PFKM: variants seen among roughly 807,000 people sequenced by gnomAD.
The protein encoded by PFKM is phosphofructokinase, muscle.
Under a neutral mutation model 95.5 loss-of-function variants are expected in PFKM, and 58 were observed. The observed-to-expected ratio is 0.61, with a 90% CI of 0.49 to 0.76. The LOEUF (loss-of-function observed/expected upper bound fraction) is 0.76. PFKM is among the 30% of genes least tolerant of loss of function. The probability of loss-of-function intolerance (pLI) is 0.00; values close to 1 mark genes in which losing one functional copy is unlikely to be tolerated. For missense variants in PFKM, 678 were observed against 1,005.4 expected (o/e 0.67, Z 4.40); for synonymous variants, 336 against 357.2 (o/e 0.94, Z 0.67).
intron 3 of PFKM, among the ~76,000 whole-genome samples, chr12:48,113,949 G>T (rs1247713979): frequency 6.6e-6 from 1 of 152,152 alleles, no homozygotes; most frequent in East Asian, 1.9e-4. Flanking sequence ...ACTGGGCTGG[G>T]TTCTTTACCT....
At chr12:48,144,975 T>A (rs1950903168) in intron 20 of PFKM, 56 bp from the exon 21 acceptor site, 2 of 1,206,150 alleles carry the variant, frequency 1.7e-6, no homozygotes. Flanking sequence ...TGTCTAGATA[T>A]CTCTGCCACT....
intron 3 of PFKM, among the ~76,000 whole-genome samples, chr12:48,114,221 A>G (rs1947470241): frequency 6.6e-6 from 1 of 152,224 alleles, no homozygotes; most frequent in South Asian, 2.1e-4. Flanking sequence ...TTAGGATGAC[A>G]TTTAGGTCAC....
chr12:48,136,919 A>C (rs1283353710), intron 10 of PFKM, among the ~76,000 whole-genome samples: 1 of 151,340 alleles, frequency 6.6e-6, no homozygotes, highest in Non-Finnish European at 1.5e-5. Context: ...ATGCCCAGCT[A>C]ATTTTTTAAA....
intron 12 of PFKM, 67 bp from the exon 13 acceptor site, chr12:48,139,779 CAGG>C: frequency 3.8e-6 from 4 of 1,050,022 alleles, no homozygotes; most frequent in Non-Finnish European, 6.0e-6. Flanking sequence ...CACTTCAGAC[CAGG>C]ATCTCCATGG....
rs554664722 is a variant in PFKM, at chr12:48,141,370, T to C, written c.1401T>C (p.Leu467=). The stretch of plus-strand genomic sequence containing the variant: ...GGACTGGCCAAGGTGGCTCTAAACT[T>C]GGGACTAAAAGGTAAGTAGCACTGC... ...GGWTGQGGSK[L]GTKRTLPKKS... The change falls in exon 15 of 23, where the codon CTT becomes CTC. Residue 467 remains leucine (L), a synonymous_variant. Transcript: ENST00000359794. 1.6e-4 allele frequency: 266 copies of C among 1,614,050 alleles called. 5 individuals are homozygous for C. In the South Asian group the frequency reaches 2.8e-3, roughly 17 times the overall value.
At chr12:48,133,244 C>T in intron 5 of PFKM, 71 bp from the exon 6 acceptor site, 4 of 1,404,258 alleles carry the variant, frequency 2.8e-6, no homozygotes, top group Non-Finnish European at 4.0e-6. Context: ...GTTTCTCTCT[C>T]TCTAGATATC....
intron 7 of PFKM, 60 bp from the exon 8 acceptor site, chr12:48,134,661 A>G: frequency 1.7e-6 from 2 of 1,153,688 alleles, no homozygotes; most frequent in Non-Finnish European, 2.6e-6. Context: ...CTTGTTGGGT[A>G]TGGGTGAGGC....
At chr12:48,137,947 G>A in intron 11 of PFKM, 101 bp downstream of exon 11, 4 of 1,312,116 alleles carry the variant, frequency 3.0e-6, no homozygotes, top group Non-Finnish European at 4.4e-6. Flanking sequence ...ATAGGAGCAG[G>A]TGGAAAGGCA....
chr12:48,142,512 GTTTGT>G lies in PFKM; in HGVS notation c.1654-266_1654-262del, dbSNP rs891100481. 31 of 487,790 alleles carry G rather than the reference GTTTGT, an allele frequency of 6.4e-5. No homozygotes were observed. The African/African-American group carries it at 6.4e-4, about 10-fold the overall frequency. The allele number at this position is 487,790 out of a possible 1,614,324, so 30.2% of individuals were successfully genotyped here. On this transcript the variant is annotated intron_variant, in intron 17 of 22. Coordinates refer to ENST00000359794, the MANE Select transcript of PFKM (RefSeq NM_000289.6). ...CAGTACCCTGAATACCAAATGTTTT[GTTTGT>G]TTTTTTTTTTCTTTCTGAGATCATG...
chr12:48,120,873 C>A (rs762809439), intron 1 of PFKM, among the ~76,000 whole-genome samples: 5 of 152,126 alleles, frequency 3.3e-5, no homozygotes, highest in Non-Finnish European at 5.9e-5. Flanking sequence ...TAAAGCAGGC[C>A]GAGCATGGTG....
intron 3 of PFKM, among the ~76,000 whole-genome samples, chr12:48,109,070 A>G (rs1946958431): frequency 2.0e-5 from 3 of 152,262 alleles, no homozygotes; most frequent in African/African-American, 7.2e-5. Context: ...GTAGGAAATG[A>G]GAAAATGAAA....
Position 48,122,763 on chromosome 12 carries a change from C to T in PFKM, c.-8-4C>T, listed in dbSNP as rs111282921. The T allele has an allele frequency of 6.2e-7, 1 of 1,613,706 alleles. No homozygotes were observed. Among genetic ancestry groups the T allele is most frequent in the African/African-American group, 1.3e-5 (1 of 74,906 alleles). ...TCTTAACTGACCATTGTCTTAAATTCTAGAGTGGATCATGACCCATGAAGA... is the reference window on the plus strand; with the variant it reads ...TCTTAACTGACCATTGTCTTAAATTTTAGAGTGGATCATGACCCATGAAGA... On this transcript the variant is annotated splice_polypyrimidine_tract_variant and splice_region_variant and intron_variant, in intron 1 of 22. Coordinates refer to ENST00000359794, the MANE Select transcript of PFKM (RefSeq NM_000289.6).
intron 11 of PFKM, 147 bp downstream of exon 11, chr12:48,137,993 C>T: frequency 1.2e-6 from 1 of 862,916 alleles, no homozygotes; most frequent in South Asian, 1.5e-5. Flanking sequence ...GGAAAGAACA[C>T]AGTGGGCTTT....
At chr12:48,117,448 C>T (rs1947771619), upstream of PFKM, among the ~76,000 whole-genome samples, 1 of 152,182 alleles carries the variant, frequency 6.6e-6, no homozygotes, top group African/African-American at 2.4e-5. Flanking sequence ...TGCATTCCCA[C>T]CAGCAATTAA....
chr12:48,118,449 C>G, upstream of PFKM: 1 of 1,092,470 alleles, frequency 9.2e-7, no homozygotes, highest in Non-Finnish European at 1.3e-6. Context: ...GGTTTTATCT[C>G]CTAGTCACTT....
At chr12:48,139,981 AC>A in intron 13 of PFKM, 69 bp downstream of exon 13, 2 of 1,006,300 alleles carry the variant, frequency 2.0e-6, no homozygotes. Context: ...CATAAATGCT[AC>A]CACAGTCCAT....
chr12:48,111,796 C>A (rs573802491), intron 3 of PFKM, among the ~76,000 whole-genome samples: 1 of 151,866 alleles, frequency 6.6e-6, no homozygotes, highest in African/African-American at 2.4e-5. Flanking sequence ...TGTGGGAGGC[C>A]GGATGGAAGT....
intron 3 of PFKM, among the ~76,000 whole-genome samples, chr12:48,114,073 C>T (rs1032775089): frequency 1.3e-5 from 2 of 152,090 alleles, no homozygotes; most frequent in Non-Finnish European, 2.9e-5. Context: ...GGGAATCGGC[C>T]GGATAGTTCC....
upstream of PFKM, chr12:48,118,364 T>A (rs998846728): frequency 3.2e-6 from 2 of 634,068 alleles, no homozygotes; most frequent in African/African-American, 1.8e-5. Flanking sequence ...TTTCTCCCAT[T>A]CTGTGGGTTG....
Sources: gnomAD v4.1 joint callset for allele counts (sites outside exome capture counted in the v4.1 genomes callset) on GRCh38, gnomAD v4.1.1 for gene constraint, MANE v1.5 for transcripts, NCBI Gene and HGNC (gene_info 2026-07-23, HGNC 2026-07-21) for gene names.